The following IFI16 variants were observed in gnomAD, a reference collection of about 807,000 sequenced individuals.
The protein encoded by IFI16 is interferon gamma inducible protein 16.
In IFI16, 49 loss-of-function variants were observed where a neutral mutation model predicts 68.4. The ratio of observed to expected loss-of-function variants is 0.72; its 90% CI spans 0.57 to 0.91. The LOEUF (loss-of-function observed/expected upper bound fraction) is 0.91, where lower values mean the gene tolerates loss of function less well. Among genes scored for constraint, IFI16 ranks in the 40% least tolerant of loss-of-function variants. The pLI is 0.00. For missense variants in IFI16, 878 were observed against 942.9 expected, an observed-to-expected ratio of 0.93 and a Z score of 0.90; for synonymous variants, 307 against 315.0, an observed-to-expected ratio of 0.97 and a Z score of 0.27.
Position 159,045,530 on chromosome 1 carries a change from T to G in IFI16, c.1497+66T>G, listed in dbSNP as rs2814768. 7.6e-4 allele frequency: 1,208 copies of G among 1,581,086 alleles called. 40 individuals are homozygous for G. In the Admixed American group the frequency reaches 0.016, roughly 21 times the overall value. ...TGTAATGACAAGGATTAACACAACC[T>G]TGAAAGCACCTCACCAATCCCCTAC... On this transcript the variant is annotated intron_variant, in intron 8 of 11. Transcript: ENST00000295809.
At chr1:159,050,159 T>A (rs1193017229) in intron 9 of IFI16, among the ~76,000 whole-genome samples, 1 of 152,248 alleles carries the variant, frequency 6.6e-6, no homozygotes, top group Non-Finnish European at 1.5e-5. Context: ...CCCATGTTTT[T>A]TATTAATATA....
At chr1:159,023,645 T>A (rs1246149973) in intron 6 of IFI16, among the ~76,000 whole-genome samples, 1 of 151,920 alleles carries the variant, frequency 6.6e-6, no homozygotes, top group Non-Finnish European at 1.5e-5. Flanking sequence ...TTTAGGTTGG[T>A]GAAATGCCAG....
upstream of IFI16, among the ~76,000 whole-genome samples, chr1:159,007,052 T>G (rs535683861): frequency 6.6e-6 from 1 of 152,194 alleles, no homozygotes; most frequent in South Asian, 2.1e-4. Flanking sequence ...ATGGAAGTAT[T>G]GGGGAAAAGG....
At position 159,053,655 on chromosome 1, in the gene IFI16, C is replaced by G. The variant is rs1182109376; in HGVS notation, c.2208C>G (p.Thr736=). 6.2e-7 allele frequency: 1 copy of G among 1,613,964 alleles called. No homozygotes were observed. Among genetic ancestry groups the G allele is most frequent in the Admixed American group, 1.7e-5 (1 of 60,012 alleles). ...NCEEGDKLKL[T]CFELAPKSGN... ...AGGAAGGAGATAAACTGAAACTCACCTGCTTTGAATTGGCACCGAAAAGTG... is the reference window on the plus strand; with the variant it reads ...AGGAAGGAGATAAACTGAAACTCACGTGCTTTGAATTGGCACCGAAAAGTG... The change falls in exon 11 of 12, where the codon ACC becomes ACG. Residue 736 remains threonine (T), a synonymous_variant. Coordinates refer to ENST00000295809, the MANE Select transcript of IFI16 (RefSeq NM_001376587.1).
chr1:159,035,701 G>T (rs1654283677), intron 7 of IFI16, among the ~76,000 whole-genome samples: 1 of 151,906 alleles, frequency 6.6e-6, no homozygotes, highest in South Asian at 2.1e-4. Flanking sequence ...TTTCTCTATG[G>T]TATACGCTCT....
chr1:159,016,696 C>T lies in IFI16; in HGVS notation c.545C>T (p.Thr182Ile). 1 of 1,612,072 alleles carries T rather than the reference C, an allele frequency of 6.2e-7. No homozygotes were observed. Residue 182 changes from threonine (T) to isoleucine (I), a missense_variant, in exon 4 of 12, where the codon ACT becomes ATT. Thr to Ile is a moderately conservative substitution (Grantham distance 89). Transcript: ENST00000295809. ...SLSAPPNSSS[T>I]ENPKTVAKCQ... ...TCAGCTCCACCCAACAGTTCTTCAACTGAGGTACACTCTTCCTGGTCCCAT... is the reference window on the plus strand; with the variant it reads ...TCAGCTCCACCCAACAGTTCTTCAATTGAGGTACACTCTTCCTGGTCCCAT...
intron 6 of IFI16, among the ~76,000 whole-genome samples, chr1:159,032,102 C>T (rs1169784068): frequency 2.6e-5 from 4 of 152,102 alleles, no homozygotes; most frequent in African/African-American, 9.7e-5. Flanking sequence ...AAGATAAAGA[C>T]AAACACTGGA....
At position 159,051,872 on chromosome 1, in the gene IFI16, T is replaced by G; in HGVS notation, c.1859T>G (p.Leu620Arg). ...CGAGTGAAGGTTTTTAATATTGACCTAAAGGAGAAGTTCACCCCAAAGAAG... is the reference window on the plus strand; with the variant it reads ...CGAGTGAAGGTTTTTAATATTGACCGAAAGGAGAAGTTCACCCCAAAGAAG... ...VFRVKVFNID[L>R]KEKFTPKKII... Residue 620 changes from leucine (L) to arginine (R), a missense_variant, in exon 10 of 12, where the codon CTA becomes CGA. Leu to Arg is a moderately radical substitution (Grantham distance 102, BLOSUM62 -2). Coordinates refer to ENST00000295809, the MANE Select transcript of IFI16 (RefSeq NM_001376587.1). 2 of 1,614,112 alleles carry G rather than the reference T, an allele frequency of 1.2e-6. No homozygotes were observed. The highest frequency in any genetic ancestry group is 1.7e-6 in the Non-Finnish European group (2 of 1,179,952).
At chr1:159,022,779 A>T (rs1653417331) in intron 6 of IFI16, among the ~76,000 whole-genome samples, 1 of 152,238 alleles carries the variant, frequency 6.6e-6, no homozygotes, top group South Asian at 2.1e-4. Flanking sequence ...GAATGTTTGT[A>T]CAGGTCTTTG....
chr1:159,036,597 C>A (rs1307410796), intron 7 of IFI16, among the ~76,000 whole-genome samples: 1 of 152,204 alleles, frequency 6.6e-6, no homozygotes, highest in East Asian at 1.9e-4. Context: ...TATATTTACA[C>A]ATATTTAAAA....
rs753201650 is a variant in IFI16 at position 159,014,958 on chromosome 1, A to C, written c.265+13A>C. On this transcript the variant is annotated intron_variant, in intron 2 of 11. Transcript: ENST00000295809. ...GAAAAGTTAAAAGGTAATTGGGAAG[A>C]GGGAACACCCACTCCCTGCAACCAT... The C allele has an allele frequency of 1.3e-6, 2 of 1,592,616 alleles. No individual in the cohort carries two copies. The highest frequency in any genetic ancestry group is 1.7e-6 in the Non-Finnish European group (2 of 1,169,918).
chr1:159,006,571 G>GT (rs1250815572), upstream of IFI16, among the ~76,000 whole-genome samples: 11 of 152,160 alleles, frequency 7.2e-5, no homozygotes, highest in Non-Finnish European at 1.3e-4. Context: ...AGGGGGTTGG[G>GT]TAAGGAGCCC....
At chr1:159,010,348 A>G (rs980700314) in intron 1 of IFI16, among the ~76,000 whole-genome samples, 187 bp downstream of exon 1, 6 of 152,226 alleles carry the variant, frequency 3.9e-5, no homozygotes, top group Admixed American at 2.6e-4. Context: ...GATAACAGGC[A>G]TCTTCTATTC....
At chr1:159,039,407 A>C (rs1307432416) in intron 7 of IFI16, among the ~76,000 whole-genome samples, 2 of 152,148 alleles carry the variant, frequency 1.3e-5, no homozygotes, top group Non-Finnish European at 2.9e-5. Context: ...GCAGTGGCAT[A>C]ATCTCAGCTC....
upstream of IFI16, among the ~76,000 whole-genome samples, chr1:159,007,847 A>C (rs1652316274): frequency 6.6e-6 from 1 of 152,194 alleles, no homozygotes; most frequent in Non-Finnish European, 1.5e-5. Flanking sequence ...AAATCAACTA[A>C]GATAGTAGTC....
chr1:159,051,417 G>C (rs2101931294), intron 9 of IFI16, among the ~76,000 whole-genome samples: 1 of 152,128 alleles, frequency 6.6e-6, no homozygotes, highest in Non-Finnish European at 1.5e-5. Flanking sequence ...TTTTCTTTAT[G>C]GGTTAATTCT....
chr1:159,048,084 G>A (rs1216057343), intron 8 of IFI16, among the ~76,000 whole-genome samples: 2 of 149,592 alleles, frequency 1.3e-5, no homozygotes, highest in Non-Finnish European at 3.0e-5. Flanking sequence ...CAGATCTGAA[G>A]AGAGGGGCTT....
intron 7 of IFI16, among the ~76,000 whole-genome samples, chr1:159,043,672 A>G (rs1302413760): frequency 6.6e-6 from 1 of 152,108 alleles, no homozygotes; most frequent in Non-Finnish European, 1.5e-5. Context: ...ATTACCTTTG[A>G]TTTATGCTGT....
intron 2 of IFI16, chr1:159,015,537 A>G (rs1338743031): frequency 5.6e-6 from 1 of 179,548 alleles, no homozygotes; most frequent in Non-Finnish European, 1.2e-5. Flanking sequence ...CATCATGAAA[A>G]CATTAGTTTT....
Sources: allele counts gnomAD v4.1 joint callset (sites outside exome capture counted in the v4.1 genomes callset), GRCh38; gene constraint gnomAD v4.1.1; transcripts MANE v1.5; gene names NCBI Gene and HGNC (gene_info 2026-07-23, HGNC 2026-07-21).